The following OPCML variants were observed in gnomAD, a reference collection of about 807,000 sequenced individuals.
OPCML encodes the protein opioid-binding protein/cell adhesion molecule.
A neutral mutation model predicts 37.8 loss-of-function variants in OPCML; 13 were observed. The observed-to-expected ratio is 0.34, with a 90% CI of 0.22 to 0.55. The LOEUF (loss-of-function observed/expected upper bound fraction) is 0.55, where lower values mean the gene tolerates loss of function less well. Among genes scored for constraint, OPCML ranks in the 20% least tolerant of loss-of-function variants. The pLI, the probability that OPCML is intolerant of heterozygous loss-of-function variation, is 0.91. For missense variants in OPCML, 341 were observed against 435.6 expected (o/e 0.78, Z 1.93); for synonymous variants, 176 against 168.8 (o/e 1.04, Z -0.33).
chr11:133,140,871 C>T (rs370296454), intron 1 of OPCML, among the ~76,000 whole-genome samples: 2 of 40,152 alleles, frequency 5.0e-5, no homozygotes, highest in African/African-American at 1.3e-4. Flanking sequence ...ACGACGACGA[C>T]GAAGAAGACG....
rs1950330650 is a variant in OPCML, at chr11:133,174,084, G to A, written c.62-231074C>T. 6.6e-6 allele frequency among the ~76,000 whole-genome samples: 1 copy of A among 152,234 alleles called. No individual in the cohort carries two copies. Among genetic ancestry groups the A allele is most frequent in the Non-Finnish European group, 1.5e-5 (1 of 68,048 alleles). On this transcript the variant is annotated intron_variant, in intron 1 of 7. Transcript: ENST00000524381. This position sits in a 1 kb window ranked among gnomAD's most constrained non-coding sequence, Gnocchi z 4.6. ...AGGAACTAATTCAATCCTGTGAGAT[G>A]CCTCGTTTGATTAATTTATGTCAGC...
chr11:132,473,850 A>T (rs1374985843), intron 4 of OPCML, among the ~76,000 whole-genome samples: 1 of 152,102 alleles, frequency 6.6e-6, no homozygotes. Flanking sequence ...ATCCATAACT[A>T]CGTAAAGGAA....
At chr11:132,917,183 G>A (rs914923899) in intron 2 of OPCML, among the ~76,000 whole-genome samples, 5 of 152,160 alleles carry the variant, frequency 3.3e-5, no homozygotes, top group Admixed American at 3.3e-4. Context: ...ACACCGTAAC[G>A]AGGATTTAAC....
intron 3 of OPCML, among the ~76,000 whole-genome samples, chr11:132,650,936 T>C (rs1941398510): frequency 6.6e-6 from 1 of 152,200 alleles, no homozygotes; most frequent in African/African-American, 2.4e-5. Context: ...GTTTGGGTAA[T>C]ATTTAGGAAA....
chr11:133,027,629 G>A lies in OPCML; in HGVS notation c.62-84619C>T, dbSNP rs541520615. Among the ~76,000 whole-genome samples, 280 of 148,568 alleles carry A rather than the reference G, an allele frequency of 1.9e-3. 1 individual carries two copies. The highest frequency in any genetic ancestry group is 6.6e-3 in the African/African-American group (267 of 40,286). On this transcript the variant is annotated intron_variant, in intron 1 of 7. Transcript: ENST00000524381. The stretch of plus-strand genomic sequence containing the variant: ...CATGGTGTGTGTGTTTGGTATGTGT[G>A]GTGTGTGTGTATAATGTGATGCATG...
chr11:133,138,470 A>G (rs978122957), intron 1 of OPCML, among the ~76,000 whole-genome samples: 2 of 152,208 alleles, frequency 1.3e-5, no homozygotes, highest in African/African-American at 2.4e-5. Flanking sequence ...GATCTCCTCT[A>G]TGGTGGCTAG....
chr11:132,444,248 T>C (rs2096046677), intron 4 of OPCML, among the ~76,000 whole-genome samples: 1 of 152,092 alleles, frequency 6.6e-6, no homozygotes, highest in Non-Finnish European at 1.5e-5. Context: ...CCGCCTCCCA[T>C]GGGGGAGGCA....
intron 3 of OPCML, among the ~76,000 whole-genome samples, chr11:132,546,175 C>T (rs1591532591): frequency 6.6e-6 from 1 of 152,280 alleles, no homozygotes; most frequent in East Asian, 1.9e-4. Flanking sequence ...CTACTGTCTT[C>T]GGTGAACTCT....
At chr11:133,502,252 A>T (rs1947932063) in intron 1 of OPCML, among the ~76,000 whole-genome samples, 1 of 152,158 alleles carries the variant, frequency 6.6e-6, no homozygotes, top group Admixed American at 6.5e-5. Context: ...CTACAAAGTG[A>T]GAAATGACGC....
At chr11:133,014,400 T>C (rs1947279706) in intron 1 of OPCML, among the ~76,000 whole-genome samples, 1 of 152,140 alleles carries the variant, frequency 6.6e-6, no homozygotes, top group Non-Finnish European at 1.5e-5. Context: ...AAAAAAATTA[T>C]TGTTCTCCCC....
At chr11:132,954,246 C>A (rs1945927209) in intron 1 of OPCML, among the ~76,000 whole-genome samples, 1 of 151,984 alleles carries the variant, frequency 6.6e-6, no homozygotes, top group Non-Finnish European at 1.5e-5. Context: ...GTGTTACCTG[C>A]CCTCAAGGAG....
chr11:132,969,842 C>G (rs908785346), intron 1 of OPCML, among the ~76,000 whole-genome samples: 1 of 152,060 alleles, frequency 6.6e-6, no homozygotes, highest in Non-Finnish European at 1.5e-5. Flanking sequence ...TTTCATTAAG[C>G]ATTATTCCCT....
chr11:133,089,250 C>T (rs938922809), intron 1 of OPCML, among the ~76,000 whole-genome samples: 2 of 152,170 alleles, frequency 1.3e-5, no homozygotes, highest in African/African-American at 4.8e-5. Context: ...GACAAAAAAA[C>T]AGGCATACAT....
At position 133,226,928 on chromosome 11, in the gene OPCML, T is replaced by A. The variant is rs868649346; in HGVS notation, c.62-283918A>T. On this transcript the variant is annotated intron_variant, in intron 1 of 7. Transcript: ENST00000524381. ...AGACACATATAGCTCAGTAGACTCT[T>A]GTCATGAGCCAGTCTCACTGGGATT... Among the ~76,000 whole-genome samples, 3 of 152,236 alleles carry A rather than the reference T, an allele frequency of 2.0e-5. No individual in the cohort carries two copies. The South Asian group carries it at 6.2e-4, about 32-fold the overall frequency.
chr11:133,018,066 T>C (rs530405242), intron 1 of OPCML, among the ~76,000 whole-genome samples: 2 of 152,314 alleles, frequency 1.3e-5, no homozygotes, highest in South Asian at 2.1e-4. Context: ...GGAAGGTGTC[T>C]TCTCAAGGGT....
chr11:132,979,307 TTCAC>T (rs1210004796), intron 1 of OPCML, among the ~76,000 whole-genome samples: 1 of 152,206 alleles, frequency 6.6e-6, no homozygotes, highest in African/African-American at 2.4e-5. Flanking sequence ...CTGGCCCCCT[TTCAC>T]TCAGAGTACA....
Position 133,433,421 on chromosome 11 carries a change from A to G in OPCML, c.61+98843T>C, listed in dbSNP as rs1480673734. 3.3e-5 allele frequency among the ~76,000 whole-genome samples: 5 copies of G among 152,280 alleles called. No individual in the cohort carries two copies. The East Asian group carries it at 9.6e-4, about 29-fold the overall frequency. ...GTTTTCAAAGTTCCTTTTCTACACT[A>G]TACTATGAGCACTGACTTTTCTTCA... On this transcript the variant is annotated intron_variant, in intron 1 of 7. Coordinates refer to ENST00000524381, the MANE Select transcript of OPCML (RefSeq NM_001012393.5).
intron 4 of OPCML, among the ~76,000 whole-genome samples, chr11:132,492,671 C>CTCAGGAA (rs1462068060): frequency 3.9e-5 from 6 of 152,078 alleles, no homozygotes; most frequent in Non-Finnish European, 8.8e-5. Context: ...GAATCTGTGA[C>CTCAGGAA]TCAGGAATTC....
rs185403183 is a variant in OPCML, at chr11:132,678,570, T to G, written c.147-21251A>C. Among the ~76,000 whole-genome samples the G allele has an allele frequency of 3.8e-3, 579 of 152,250 alleles. 3 individuals are homozygous for G. The highest frequency in any genetic ancestry group is 0.013 in the African/African-American group (555 of 41,556). ...AATACTATTCAGTAGTAAAAAGAAA[T>G]GAGCCACAAAAAGACATGTTGGTAA... is the stretch of plus-strand genomic sequence containing the variant. On this transcript the variant is annotated intron_variant, in intron 2 of 7. Coordinates refer to ENST00000524381, the MANE Select transcript of OPCML (RefSeq NM_001012393.5).
Sources: gnomAD v4.1 joint callset for allele counts (sites outside exome capture counted in the v4.1 genomes callset) on GRCh38, gnomAD v4.1.1 for gene constraint, Gnocchi (gnomAD v3.1) non-coding constraint, MANE v1.5 for transcripts, NCBI Gene and HGNC (gene_info 2026-07-23, HGNC 2026-07-21) for gene names.